The following DSCAM variants were observed in gnomAD, a reference collection of about 807,000 sequenced individuals.
The protein encoded by DSCAM is cell adhesion molecule DSCAM.
In DSCAM, 47 loss-of-function variants were observed where a neutral mutation model predicts 217.7. The ratio of observed to expected loss-of-function variants is 0.22; its 90% CI spans 0.17 to 0.28. The LOEUF is 0.28. DSCAM is among the 10% of genes least tolerant of loss of function. DSCAM has a pLI of 1.00. For missense variants in DSCAM, 2,080 were observed against 2,618.3 expected, an observed-to-expected ratio of 0.79 and a Z score of 4.49; for synonymous variants, 1,056 against 1,015.3, an observed-to-expected ratio of 1.04 and a Z score of -0.76.
At chr21:40,139,541 G>T (rs928472055) in intron 18 of DSCAM, among the ~76,000 whole-genome samples, 9 of 152,026 alleles carry the variant, frequency 5.9e-5, no homozygotes, top group African/African-American at 2.2e-4. Flanking sequence ...TGAGCAGAGG[G>T]GTGACTTTGA....
intron 3 of DSCAM, among the ~76,000 whole-genome samples, chr21:40,542,593 G>A (rs2076550674): frequency 6.6e-6 from 1 of 152,192 alleles, no homozygotes; most frequent in Non-Finnish European, 1.5e-5. Context: ...GCCATCTGAG[G>A]AGTCAAAGAG....
At chr21:40,026,623 G>T (rs2088390294) in intron 32 of DSCAM, among the ~76,000 whole-genome samples, 1 of 148,348 alleles carries the variant, frequency 6.7e-6, no homozygotes, top group Admixed American at 6.8e-5. Flanking sequence ...TTACCATTAT[G>T]TAATGGCCTT....
At position 40,179,106 on chromosome 21, in the gene DSCAM, T is replaced by C. The variant is rs747972842; in HGVS notation, c.2780-12A>G. The C allele has an allele frequency of 2.4e-5, 38 of 1,608,484 alleles. No individual in the cohort carries two copies. The highest frequency in any genetic ancestry group is 4.2e-6 in the Non-Finnish European group (5 of 1,178,134). On this transcript the variant is annotated splice_polypyrimidine_tract_variant and intron_variant, in intron 14 of 32. Coordinates refer to ENST00000400454, the MANE Select transcript of DSCAM (RefSeq NM_001389.5). ...AGAATCCCAGGAGTCTTTTGGGTTTTGTTTTTCAAAAAAGAAGAGATAGAG... is the reference window on the plus strand; with the variant it reads ...AGAATCCCAGGAGTCTTTTGGGTTTCGTTTTTCAAAAAAGAAGAGATAGAG...
At position 40,066,319 on chromosome 21, in the gene DSCAM, AT is replaced by A. The variant is rs370654034; in HGVS notation, c.4889-3421del. Among the ~76,000 whole-genome samples, 22 of 152,300 alleles carry A rather than the reference AT, an allele frequency of 1.4e-4. No homozygotes were observed. The South Asian group carries it at 3.5e-3, about 24-fold the overall frequency. ...TCTTGTGCAGAAATTCCTTGATGTA[AT>A]TTTAACCTGAAGTCATTTGCCAGCT... On this transcript the variant is annotated intron_variant, in intron 27 of 32. Coordinates refer to ENST00000400454, the MANE Select transcript of DSCAM (RefSeq NM_001389.5).
At position 40,641,308 on chromosome 21, in the gene DSCAM, G is replaced by A. The variant is rs917162832; in HGVS notation, c.508+51502C>T. ...ATCTACCTCACGGAAGCAGCTAGAT[G>A]AGTGTTATACAAGGAAACGGGGCGA... is the stretch of plus-strand genomic sequence containing the variant. On this transcript the variant is annotated intron_variant, in intron 3 of 32. Transcript: ENST00000400454. Among the ~76,000 whole-genome samples the A allele has an allele frequency of 2.6e-5, 4 of 152,156 alleles. No individual in the cohort carries two copies. In the East Asian group the frequency reaches 7.7e-4, roughly 29 times the overall value.
chr21:40,247,860 GA>G (rs2073247719), intron 11 of DSCAM, among the ~76,000 whole-genome samples: 2 of 152,332 alleles, frequency 1.3e-5, no homozygotes, highest in Non-Finnish European at 2.9e-5. Flanking sequence ...TCTCCATGAG[GA>G]CCATGCCCCT....
chr21:40,795,354 ATT>A (rs11322744), intron 1 of DSCAM, among the ~76,000 whole-genome samples: 12 of 149,082 alleles, frequency 8.0e-5, no homozygotes, highest in East Asian at 3.9e-4. Context: ...ACTACCCACA[ATT>A]TTTTTTTTTT....
intron 16 of DSCAM, among the ~76,000 whole-genome samples, chr21:40,148,354 G>A (rs1248805309): frequency 6.6e-6 from 1 of 152,020 alleles, no homozygotes; most frequent in African/African-American, 2.4e-5. Flanking sequence ...GACTTAAAAG[G>A]TAGTGGGAGA....
intron 8 of DSCAM, among the ~76,000 whole-genome samples, chr21:40,331,857 G>A (rs1216607786): frequency 6.6e-6 from 1 of 152,090 alleles, no homozygotes; most frequent in Non-Finnish European, 1.5e-5. Context: ...GTGCTTCTTA[G>A]ACATTTATTT....
chr21:40,402,820 A>G lies in DSCAM; in HGVS notation c.509-33575T>C, dbSNP rs79603967. On this transcript the variant is annotated intron_variant, in intron 3 of 32. Transcript: ENST00000400454. The stretch of plus-strand genomic sequence containing the variant: ...TAACCATTTTTTGACCTTTCAAAAT[A>G]CAAAGTTTTAAGGCTTAATTTTAAT... Among the ~76,000 whole-genome samples, 446 of 152,284 alleles carry G rather than the reference A, an allele frequency of 2.9e-3. 1 individual carries two copies. Among genetic ancestry groups the G allele is most frequent in the African/African-American group, 0.01 (432 of 41,546 alleles).
At chr21:40,116,320 A>G (rs1476270030) in intron 20 of DSCAM, among the ~76,000 whole-genome samples, 1 of 152,262 alleles carries the variant, frequency 6.6e-6, no homozygotes, top group African/African-American at 2.4e-5. Context: ...TAAAAGTGAA[A>G]AAATAACGAA....
intron 3 of DSCAM, among the ~76,000 whole-genome samples, chr21:40,672,956 C>T (rs2090295139): frequency 6.6e-6 from 1 of 152,204 alleles, no homozygotes; most frequent in Non-Finnish European, 1.5e-5. Context: ...GCACTTTTCT[C>T]CACACAGCAA....
At chr21:40,449,712 C>A (rs1364398742) in intron 3 of DSCAM, among the ~76,000 whole-genome samples, 3 of 152,092 alleles carry the variant, frequency 2.0e-5, no homozygotes, top group Non-Finnish European at 4.4e-5. Context: ...AACATTGAGC[C>A]AAGGTAATCA....
At chr21:40,642,875 GAT>G (rs906692355) in intron 3 of DSCAM, among the ~76,000 whole-genome samples, 13 of 152,168 alleles carry the variant, frequency 8.5e-5, no homozygotes, top group Non-Finnish European at 1.3e-4. Context: ...CTGTGATTCT[GAT>G]GTGTGATGAG....
At chr21:40,304,308 C>A (rs561568063) in intron 9 of DSCAM, among the ~76,000 whole-genome samples, 1 of 152,256 alleles carries the variant, frequency 6.6e-6, no homozygotes, top group African/African-American at 2.4e-5. Context: ...AGCTTCCTCA[C>A]GTCACTCAGC....
At chr21:40,345,287 G>A (rs1301794478) in intron 6 of DSCAM, among the ~76,000 whole-genome samples, 2 of 152,004 alleles carry the variant, frequency 1.3e-5, no homozygotes, top group Non-Finnish European at 2.9e-5. Flanking sequence ...GCAGAGTCCT[G>A]TTTTTTGTAT....
At chr21:40,089,012 T>C (rs986224599) in intron 21 of DSCAM, among the ~76,000 whole-genome samples, 2 of 152,264 alleles carry the variant, frequency 1.3e-5, no homozygotes, top group Non-Finnish European at 2.9e-5. Context: ...GATTTGACTC[T>C]GTTCCACTCT....
In DSCAM at chr21:40,055,815, A is replaced by G; in HGVS notation, c.4945T>C (p.Leu1649=). The change falls in exon 29 of 33, where the codon TTA becomes CTA. Residue 1649 remains leucine (L), a synonymous_variant. Coordinates refer to ENST00000400454, the MANE Select transcript of DSCAM (RefSeq NM_001389.5). Reference sequence around the variant, plus strand: ...CGCAGGGTCTGCTGTTGCTTGCTTAACGTATCTGAAGTCCGGGTATTCTTA... The same window carrying G: ...CGCAGGGTCTGCTGTTGCTTGCTTAGCGTATCTGAAGTCCGGGTATTCTTA... The part of the protein sequence containing the change: ...MSKNTRTSDT[L]SKQQQTLRMH... 1 of 1,613,678 alleles carries G rather than the reference A, an allele frequency of 6.2e-7. No homozygotes were observed. Among genetic ancestry groups the G allele is most frequent in the Non-Finnish European group, 8.5e-7 (1 of 1,179,610 alleles).
intron 18 of DSCAM, among the ~76,000 whole-genome samples, chr21:40,137,594 TACACAC>T (rs3988428): frequency 0.029 from 3,863 of 134,840 alleles, 73 homozygotes; most frequent in Admixed American, 0.039. Context: ...GGCTGTTTAA[TACACAC>T]ACACACACAC....
Sources: allele counts gnomAD v4.1 joint callset (sites outside exome capture counted in the v4.1 genomes callset), GRCh38; gene constraint gnomAD v4.1.1; transcripts MANE v1.5; gene names NCBI Gene and HGNC (gene_info 2026-07-23, HGNC 2026-07-21).